BTAF1: variants seen among roughly 807,000 people sequenced by gnomAD.
BTAF1 encodes the protein B-TFIID TATA-box binding protein associated factor 1.
A neutral mutation model predicts 227.1 loss-of-function variants in BTAF1; 38 were observed. That is an observed-to-expected ratio of 0.17 (90% CI 0.13 to 0.22). BTAF1 has a LOEUF of 0.22. BTAF1 is among the 10% of genes least tolerant of loss of function. The pLI, the probability that BTAF1 is intolerant of heterozygous loss-of-function variation, is 1.00. For synonymous variants in BTAF1, 742 were observed against 751.9 expected, an observed-to-expected ratio of 0.99 and a Z score of 0.21; for missense variants, 1,598 against 2,204.0, an observed-to-expected ratio of 0.73 and a Z score of 5.51.
Position 92,029,505 on chromosome 10 carries a change from A to ATCTTTAACATCATTTTTTCAACTTT in BTAF1, c.*574_*598dup, listed in dbSNP as rs1851755001. ...AATGCAGATGCATAGTGTTTTTCAAATCTTTAACATCATTTTTTCAACTTT... is the reference window on the plus strand; with the variant it reads ...AATGCAGATGCATAGTGTTTTTCAAATCTTTAACATCATTTTTTCAACTTTTCTTTAACATCATTTTTTCAACTTT... On this transcript the variant is annotated 3_prime_UTR_variant, in exon 38 of 38. Transcript: ENST00000265990. 3 of 152,138 alleles carry ATCTTTAACATCATTTTTTCAACTTT rather than the reference A, an allele frequency of 2.0e-5. No individual in the cohort carries two copies. The highest frequency in any genetic ancestry group is 7.2e-5 in the African/African-American group (3 of 41,418). The allele number at this position is 152,138 out of a possible 1,614,324, so 9.4% of individuals were successfully genotyped here.
intron 8 of BTAF1, 25 bp downstream of exon 8, chr10:91,957,318 T>TC (rs749006433): frequency 6.4e-7 from 1 of 1,573,658 alleles, no homozygotes; most frequent in South Asian, 1.1e-5. Flanking sequence ...TTACAGTTTT[T>TC]CTCAGCTCTA....
intron 8 of BTAF1, among the ~76,000 whole-genome samples, chr10:91,958,489 G>C (rs567712646): frequency 9.2e-5 from 14 of 152,120 alleles, no homozygotes; most frequent in African/African-American, 3.4e-4. Flanking sequence ...ATCGCTTCAG[G>C]TCAGGAGTTT....
At chr10:91,950,133 A>G (rs1431328050) in intron 4 of BTAF1, among the ~76,000 whole-genome samples, 1 of 99,436 alleles carries the variant, frequency 1.0e-5, no homozygotes, top group South Asian at 5.1e-4. Flanking sequence ...TCAGAGTGAG[A>G]GACCTTGTCC....
rs759719414 is a variant in BTAF1, at chr10:91,984,450, A to G, written c.2427+46A>G. Reference sequence around the variant, plus strand: ...CTTAATTAGAGATAGAACATGAAATATAGGTTAGAAATTTGTCATGACATG... The same window carrying G: ...CTTAATTAGAGATAGAACATGAAATGTAGGTTAGAAATTTGTCATGACATG... On this transcript the variant is annotated intron_variant, in intron 19 of 37. Coordinates refer to ENST00000265990, the MANE Select transcript of BTAF1 (RefSeq NM_003972.3). The G allele has an allele frequency of 4.1e-6, 6 of 1,481,396 alleles. 2 individuals are homozygous for G. In the South Asian group the frequency reaches 7.6e-5, roughly 19 times the overall value. The allele number at this position is 1,481,396 out of a possible 1,614,324, so 91.8% of individuals were successfully genotyped here.
chr10:91,983,586 G>A (rs890203612), intron 18 of BTAF1, among the ~76,000 whole-genome samples: 3 of 152,300 alleles, frequency 2.0e-5, no homozygotes, highest in African/African-American at 7.2e-5. Context: ...TTAGCAGCAA[G>A]TGTTGACAGT....
rs1013556910 is a variant in BTAF1 at position 91,957,419 on chromosome 10, G to A, written c.900+126G>A. On this transcript the variant is annotated intron_variant, in intron 8 of 37. Transcript: ENST00000265990. ...CTGTTTGTCTCAGGACTCAGGGCACGTCATATCATTGACCTAAATAGAAAA... is the reference window on the plus strand; with the variant it reads ...CTGTTTGTCTCAGGACTCAGGGCACATCATATCATTGACCTAAATAGAAAA... 24 of 601,386 alleles carry A rather than the reference G, an allele frequency of 4.0e-5. 1 individual carries two copies. Among genetic ancestry groups the A allele is most frequent in the Admixed American group, 3.5e-4 (12 of 34,236 alleles). The allele number at this position is 601,386 out of a possible 1,614,324, so 37.3% of individuals were successfully genotyped here.
At chr10:91,958,459 T>C (rs1398623421) in intron 8 of BTAF1, among the ~76,000 whole-genome samples, 1 of 152,056 alleles carries the variant, frequency 6.6e-6, no homozygotes, top group Non-Finnish European at 1.5e-5. Context: ...CCTAGCACTT[T>C]GGGAGGCTGA....
chr10:92,024,895 A>G lies in BTAF1; in HGVS notation c.5003A>G (p.His1668Arg), dbSNP rs1428774043. The G allele has an allele frequency of 1.1e-5, 17 of 1,613,936 alleles. No homozygotes were observed. Among genetic ancestry groups the G allele is most frequent in the Non-Finnish European group, 1.4e-5 (17 of 1,179,988 alleles). The change falls in exon 35 of 38, where the codon CAC (histidine) becomes CGC (arginine). Residue 1668 changes from histidine to arginine, a missense_variant. Physicochemically the swap from His to Arg is conservative, Grantham distance 29 (BLOSUM62 0). Transcript: ENST00000265990. ...DIVEHDLLKP[H>R]LPSVTYLRLD... ...GTAGAGCATGATCTCCTCAAACCTCACTTGCCCTCTGTCACTTATTTGAGA... is the reference window on the plus strand; with the variant it reads ...GTAGAGCATGATCTCCTCAAACCTCGCTTGCCCTCTGTCACTTATTTGAGA...
intron 14 of BTAF1, among the ~76,000 whole-genome samples, chr10:91,973,921 A>T (rs1462614582): frequency 6.6e-6 from 1 of 151,452 alleles, no homozygotes; most frequent in African/African-American, 2.4e-5. Flanking sequence ...AAAAAAAAAA[A>T]AAGAAACTTT....
chr10:91,989,423 G>T lies in BTAF1; in HGVS notation c.2697G>T (p.Gln899His). 1 of 1,614,182 alleles carries T rather than the reference G, an allele frequency of 6.2e-7. No individual in the cohort carries two copies. The highest frequency in any genetic ancestry group is 8.5e-7 in the Non-Finnish European group (1 of 1,180,042). The change falls in exon 20 of 38, where the codon CAG becomes CAT. Residue 899 changes from glutamine (Q) to histidine (H), a missense_variant. By Grantham distance (24) the Gln-to-His change is conservative (BLOSUM62 0). Coordinates refer to ENST00000265990, the MANE Select transcript of BTAF1 (RefSeq NM_003972.3). ...CACTAGTGCAAAACTATGCAGCTCA[G>T]TGCATAGCTAAACTCCTTCAGCAGT... ...ENTLVQNYAA[Q>H]CIAKLLQQCT...
At position 91,994,537 on chromosome 10, in the gene BTAF1, G is replaced by A; in HGVS notation, c.3202G>A (p.Gly1068Arg). Residue 1068 changes from glycine (G) to arginine (R), a missense_variant and splice_region_variant, in exon 23 of 38, where the codon GGA (glycine) becomes AGA (arginine). Physicochemically the swap from Gly to Arg is moderately radical, Grantham distance 125. This residue lies in a region of BTAF1 where 425 missense variants were observed against 491.2 expected (regional missense o/e 0.87). Coordinates refer to ENST00000265990, the MANE Select transcript of BTAF1 (RefSeq NM_003972.3). ...ATACAGACAATATATTTTAACAGAT[G>A]GAAAATCCCTCCTGGATAAGGGAGA... ...RNTIDINNFD[G>R]KSLLDKGDSP... is the part of the protein sequence containing the mutation. 1.2e-6 allele frequency: 2 copies of A among 1,606,292 alleles called. No homozygotes were observed. The highest frequency in any genetic ancestry group is 1.7e-6 in the Non-Finnish European group (2 of 1,175,308).
intron 12 of BTAF1, among the ~76,000 whole-genome samples, chr10:91,963,009 G>A (rs1846628382): frequency 6.6e-6 from 1 of 151,186 alleles, no homozygotes. Flanking sequence ...TTTAAATCTA[G>A]TCTCCCCTCC....
rs1851723257 is a variant in BTAF1, at chr10:92,029,025, C to CA, written c.*94dup. On this transcript the variant is annotated 3_prime_UTR_variant, in exon 38 of 38. Coordinates refer to ENST00000265990, the MANE Select transcript of BTAF1 (RefSeq NM_003972.3). The stretch of plus-strand genomic sequence containing the variant: ...CTAAGTTTATGGTGAACTTTTAACT[C>CA]AATGTGTAAATAGATCTGGAGAATA... The CA allele has an allele frequency of 8.4e-7, 1 of 1,194,906 alleles. No homozygotes were observed. The highest frequency in any genetic ancestry group is 1.2e-6 in the Non-Finnish European group (1 of 859,920). 74.0% of individuals were successfully genotyped at this position (1,194,906 alleles called of 1,614,324 possible). A position where few individuals can be genotyped will look rare whatever the true frequency, so the allele number is the denominator to read the frequency against.
At chr10:92,019,327 G>A (rs1181506317) in intron 34 of BTAF1, among the ~76,000 whole-genome samples, 1 of 152,098 alleles carries the variant, frequency 6.6e-6, no homozygotes, top group East Asian at 1.9e-4. Flanking sequence ...CATTTAAGTG[G>A]AATCATAAAA....
intron 23 of BTAF1, among the ~76,000 whole-genome samples, chr10:91,996,125 G>A (rs1849130549): frequency 6.6e-6 from 1 of 152,184 alleles, no homozygotes; most frequent in Non-Finnish European, 1.5e-5. Flanking sequence ...CCTAAGAGAT[G>A]ATATGAGCAG....
intron 20 of BTAF1, among the ~76,000 whole-genome samples, chr10:91,991,831 A>G (rs1415058433): frequency 1.4e-5 from 2 of 147,116 alleles, no homozygotes; most frequent in Non-Finnish European, 3.0e-5. Flanking sequence ...ATATATATAT[A>G]TACACACATA....
intron 25 of BTAF1, among the ~76,000 whole-genome samples, chr10:91,999,552 G>T (rs886961145): frequency 6.6e-6 from 1 of 152,140 alleles, no homozygotes; most frequent in Non-Finnish European, 1.5e-5. Context: ...GCGCCACTGC[G>T]CCCTGCTAAT....
chr10:92,004,884 C>T (rs1380555830), intron 25 of BTAF1, among the ~76,000 whole-genome samples: 1 of 152,094 alleles, frequency 6.6e-6, no homozygotes, highest in East Asian at 1.9e-4. Context: ...AGTTTCCAGT[C>T]TTACATTTAA....
rs75973697 is a variant in BTAF1 at position 91,986,984 on chromosome 10, A to T, written c.2428-2170A>T. ...CCCTGCGATCTTTGTCTCTTGCACC[A>T]TTCTCATGATTTAGTTCCTACCCAG... On this transcript the variant is annotated intron_variant, in intron 19 of 37. Transcript: ENST00000265990. Among the ~76,000 whole-genome samples the T allele has an allele frequency of 2.8e-3, 425 of 152,022 alleles. 2 individuals carry two copies. Among genetic ancestry groups the T allele is most frequent in the African/African-American group, 9.9e-3 (410 of 41,464 alleles).
Sources: gnomAD v4.1 joint callset for allele counts (sites outside exome capture counted in the v4.1 genomes callset) on GRCh38, gnomAD v4.1.1 for gene constraint, gnomAD v4.1.1 regional missense constraint, MANE v1.5 for transcripts, NCBI Gene and HGNC (gene_info 2026-07-23, HGNC 2026-07-21) for gene names.